WDTC1: variants seen among roughly 807,000 people sequenced by gnomAD.
WDTC1 encodes the protein WD and tetratricopeptide repeats protein 1.
In WDTC1, 12 loss-of-function variants were observed where a neutral mutation model predicts 76.0. The observed-to-expected ratio is 0.16, with a 90% CI of 0.10 to 0.26. The LOEUF is 0.26. Among genes scored for constraint, WDTC1 ranks in the 10% least tolerant of loss-of-function variants. The pLI, the probability that WDTC1 is intolerant of heterozygous loss-of-function variation, is 1.00. For missense variants in WDTC1, 511 were observed against 908.8 expected (o/e 0.56, Z 5.63); for synonymous variants, 326 against 350.8 (o/e 0.93, Z 0.79).
chr1:27,292,417 C>G lies in WDTC1; in HGVS notation c.662+20C>G. ...CCACAGGTATGAATAGTTCAGCCTC[C>G]TGTCTCCTGTGAGTAAGTCCCCAGA... On this transcript the variant is annotated intron_variant, in intron 7 of 15. Transcript: ENST00000319394. 6.6e-7 allele frequency: 1 copy of G among 1,519,258 alleles called. No individual in the cohort carries two copies. The allele number at this position is 1,519,258 out of a possible 1,614,324, so 94.1% of individuals were successfully genotyped here.
intron 3 of WDTC1, among the ~76,000 whole-genome samples, chr1:27,276,313 A>G (rs1217139112): frequency 1.3e-5 from 2 of 152,220 alleles, no homozygotes; most frequent in African/African-American, 4.8e-5. Context: ...ACTGTTTTCC[A>G]AAGTGGTACC....
chr1:27,287,061 G>A (rs1320639457), intron 5 of WDTC1, among the ~76,000 whole-genome samples: 1 of 151,448 alleles, frequency 6.6e-6, no homozygotes, highest in African/African-American at 2.4e-5. Context: ...TACTCAGGAG[G>A]CTGACACAGG....
At position 27,266,094 on chromosome 1, in the gene WDTC1, G is replaced by C. The variant is rs139315044; in HGVS notation, c.132+2859G>C. Among the ~76,000 whole-genome samples the C allele has an allele frequency of 4.5e-3, 691 of 152,244 alleles. 19 individuals are homozygous for C. Among genetic ancestry groups the C allele is most frequent in the Admixed American group, 0.039 (595 of 15,280 alleles). ...AAATGTTAAGAACCACTACTCTATA[G>C]AGCCATGGAATGGGATGCCTGAATA... is the stretch of plus-strand genomic sequence containing the variant. On this transcript the variant is annotated intron_variant, in intron 3 of 15. Transcript: ENST00000319394.
intron 3 of WDTC1, among the ~76,000 whole-genome samples, chr1:27,272,439 A>G (rs1394846408): frequency 6.6e-6 from 1 of 152,226 alleles, no homozygotes; most frequent in African/African-American, 2.4e-5. Context: ...GTGTAAAGAT[A>G]AAATGAACTT....
At chr1:27,254,138 T>A (rs2012194315) in intron 1 of WDTC1, among the ~76,000 whole-genome samples, 1 of 152,176 alleles carries the variant, frequency 6.6e-6, no homozygotes. Flanking sequence ...AACAAAATGA[T>A]TTTTTAAAAT....
chr1:27,236,492 C>A (rs1305844621), intron 1 of WDTC1, among the ~76,000 whole-genome samples: 1 of 152,162 alleles, frequency 6.6e-6, no homozygotes, highest in Non-Finnish European at 1.5e-5. Flanking sequence ...ATCAACTCTG[C>A]CGAATAATTG....
At chr1:27,263,718 C>T (rs924609040) in intron 3 of WDTC1, among the ~76,000 whole-genome samples, 7 of 152,220 alleles carry the variant, frequency 4.6e-5, no homozygotes, top group South Asian at 2.1e-4. Context: ...CGTGAGCCAC[C>T]GCGCCTGGCC....
rs780813370 is a variant in WDTC1, at chr1:27,306,137, GCCTCTCCCTC to G, written c.1837-45_1837-36del. On this transcript the variant is annotated intron_variant, in intron 15 of 15. Transcript: ENST00000319394. The surrounding 1 kb of genome is among the most constrained non-coding windows in gnomAD (Gnocchi z 5.0). ...CCCTCCCCTATACGTGTACCCTGGT[GCCTCTCCCTC>G]CCTGAGCCCCACGTGTGTCACCCCT... 1.9e-6 allele frequency: 3 copies of G among 1,606,502 alleles called. No individual in the cohort carries two copies. The East Asian group carries it at 6.7e-5, about 36-fold the overall frequency.
chr1:27,287,933 G>C (rs146475611), intron 6 of WDTC1, 72 bp downstream of exon 6: 7 of 1,515,850 alleles, frequency 4.6e-6, no homozygotes, highest in South Asian at 2.5e-5. Context: ...TCCTTCTACA[G>C]ACCTAGCTCT....
chr1:27,288,987 C>A (rs937178546), intron 6 of WDTC1, among the ~76,000 whole-genome samples: 6 of 139,088 alleles, frequency 4.3e-5, no homozygotes, highest in South Asian at 2.4e-4. Flanking sequence ...GGGCTGACCC[C>A]CCCCCCACCT....
chr1:27,261,088 C>T lies in WDTC1; in HGVS notation c.34C>T (p.Arg12Cys), dbSNP rs772757661. 15 of 1,613,936 alleles carry T rather than the reference C, an allele frequency of 9.3e-6. No homozygotes were observed. The highest frequency in any genetic ancestry group is 2.7e-5 in the African/African-American group (2 of 74,900). ...AGTCAACATAACTAGAGACCTCATC[C>T]GTAGGCAGATCAAGGTAAGCAGCCC... The part of the protein sequence containing the change: ...AKVNITRDLI[R>C]RQIKERGALS... The change falls in exon 2 of 16, where the codon CGT (arginine) becomes TGT (cysteine). Residue 12 changes from arginine (R) to cysteine (C), a missense_variant. By Grantham distance (180) the Arg-to-Cys change is radical (BLOSUM62 -3). Transcript: ENST00000319394.
intron 7 of WDTC1, among the ~76,000 whole-genome samples, 182 bp downstream of exon 7, chr1:27,292,579 C>T (rs2013564337): frequency 6.6e-6 from 1 of 151,896 alleles, no homozygotes; most frequent in South Asian, 2.1e-4. Context: ...AGTCACACGC[C>T]ACCTCGCTTG....
At chr1:27,295,442 A>G (rs1432737033) in intron 9 of WDTC1, among the ~76,000 whole-genome samples, 1 of 151,210 alleles carries the variant, frequency 6.6e-6, no homozygotes, top group Non-Finnish European at 1.5e-5. Flanking sequence ...CTTTTTAAAC[A>G]TGTGACGTGT....
chr1:27,281,111 T>G (rs2013174258), intron 3 of WDTC1, among the ~76,000 whole-genome samples: 1 of 152,104 alleles, frequency 6.6e-6, no homozygotes, highest in South Asian at 2.1e-4. Flanking sequence ...TTTTTTATAC[T>G]CCTGTACCCC....
intron 1 of WDTC1, among the ~76,000 whole-genome samples, chr1:27,240,808 C>A (rs1435520447): frequency 6.6e-6 from 1 of 152,022 alleles, no homozygotes; most frequent in African/African-American, 2.4e-5. Context: ...AACCCTGTCT[C>A]TACTAAAAAT....
At chr1:27,235,306 G>A (rs2011470890) in intron 1 of WDTC1, among the ~76,000 whole-genome samples, 2 of 152,206 alleles carry the variant, frequency 1.3e-5, no homozygotes, top group Middle Eastern at 3.4e-3. Flanking sequence ...GGAAGAAGGG[G>A]CAGGTGTAAG....
chr1:27,303,833 C>T lies in WDTC1; in HGVS notation c.1643+38C>T. On this transcript the variant is annotated intron_variant, in intron 14 of 15. Transcript: ENST00000319394. The surrounding 1 kb of genome is among the most constrained non-coding windows in gnomAD (Gnocchi z 4.8). The stretch of plus-strand genomic sequence containing the variant: ...GAAGAGGAGGGTGCAGCCCAGTTGG[C>T]AGCGGGAGGTTGAGTGGGGAGTGTT... The T allele has an allele frequency of 6.2e-7, 1 of 1,607,348 alleles. No individual in the cohort carries two copies. Among genetic ancestry groups the T allele is most frequent in the Non-Finnish European group, 8.5e-7 (1 of 1,177,636 alleles).
At chr1:27,268,625 G>A (rs577051816) in intron 3 of WDTC1, among the ~76,000 whole-genome samples, 1 of 151,860 alleles carries the variant, frequency 6.6e-6, no homozygotes, top group Non-Finnish European at 1.5e-5. Flanking sequence ...CACCATGTTG[G>A]TCAGGCTGGT....
chr1:27,265,716 C>T (rs1397579861), intron 3 of WDTC1, among the ~76,000 whole-genome samples: 3 of 151,932 alleles, frequency 2.0e-5, no homozygotes, highest in African/African-American at 7.3e-5. Context: ...GAGGCTGAGG[C>T]AGGGGGATCA....
Sources: gnomAD v4.1 joint callset for allele counts (sites outside exome capture counted in the v4.1 genomes callset) on GRCh38, gnomAD v4.1.1 for gene constraint, Gnocchi (gnomAD v3.1) non-coding constraint, MANE v1.5 for transcripts, NCBI Gene and HGNC (gene_info 2026-07-23, HGNC 2026-07-21) for gene names.